The following STOX2 variants were observed in gnomAD, a reference collection of about 807,000 sequenced individuals.
The protein encoded by STOX2 is storkhead box 2, also known as storkhead-box protein 2.
Under a neutral mutation model 60.9 loss-of-function variants are expected in STOX2, and 28 were observed. The ratio of observed to expected loss-of-function variants is 0.46; its 90% CI spans 0.34 to 0.63. The LOEUF (loss-of-function observed/expected upper bound fraction) is 0.63, where lower values mean the gene tolerates loss of function less well. STOX2 is among the 30% of genes least tolerant of loss of function. STOX2 has a pLI of 0.01. For synonymous variants in STOX2, 472 were observed against 463.9 expected, an observed-to-expected ratio of 1.02 and a Z score of -0.22; for missense variants, 1,024 against 1,187.7, an observed-to-expected ratio of 0.86 and a Z score of 2.03.
chr4:183,985,562 C>T (rs1732807334), intron 1 of STOX2, among the ~76,000 whole-genome samples: 1 of 152,158 alleles, frequency 6.6e-6, no homozygotes, highest in African/African-American at 2.4e-5. Flanking sequence ...TAAGTACAGA[C>T]ATACTAGGCC....
intron 1 of STOX2, among the ~76,000 whole-genome samples, chr4:183,936,508 A>C (rs1419819936): frequency 6.8e-6 from 1 of 147,270 alleles, no homozygotes; most frequent in Non-Finnish European, 1.5e-5. Context: ...TTTTTTCTCT[A>C]TACCAAAGTT....
intron 1 of STOX2, chr4:183,798,598 A>G (rs1738688755): frequency 2.0e-6 from 2 of 984,794 alleles, no homozygotes; most frequent in Admixed American, 6.1e-5. Context: ...CGCATTTCTC[A>G]ACGAGGCAAG....
chr4:183,863,244 G>C (rs1740491002), intron 1 of STOX2, among the ~76,000 whole-genome samples: 1 of 152,198 alleles, frequency 6.6e-6, no homozygotes, highest in Non-Finnish European at 1.5e-5. Context: ...AAGCTCTGCA[G>C]TAAGGAAACC....
chr4:183,875,806 C>T lies in STOX2; in HGVS notation c.364+77751C>T, dbSNP rs144721794. ...GATGGTGGCCCACTGCAGCCTTGAC[C>T]GCCCAGGCTCAAGCGATCCTCCCAT... On this transcript the variant is annotated intron_variant, in intron 1 of 2. Transcript: ENST00000513034. Among the ~76,000 whole-genome samples the T allele has an allele frequency of 2.9e-3, 441 of 152,318 alleles. 3 individuals carry two copies. The highest frequency in any genetic ancestry group is 9.7e-3 in the African/African-American group (405 of 41,572).
chr4:183,872,742 A>T (rs1416894685), intron 1 of STOX2, among the ~76,000 whole-genome samples: 1 of 152,100 alleles, frequency 6.6e-6, no homozygotes, highest in Non-Finnish European at 1.5e-5. Flanking sequence ...ACCCACGTAA[A>T]TTGATGGCTC....
intron 1 of STOX2, among the ~76,000 whole-genome samples, chr4:183,961,167 C>A (rs1451703789): frequency 6.6e-6 from 1 of 152,030 alleles, no homozygotes; most frequent in Non-Finnish European, 1.5e-5. Context: ...GGACACATAC[C>A]ATAGTTGAGT....
At chr4:183,810,599 G>A (rs73006697) in intron 1 of STOX2, among the ~76,000 whole-genome samples, 273 of 152,332 alleles carry the variant, frequency 1.8e-3, no homozygotes, top group African/African-American at 5.9e-3. Flanking sequence ...GTGCAACAGC[G>A]TTGACAGGTG....
At chr4:183,890,477 C>T (rs1327781972) in intron 1 of STOX2, among the ~76,000 whole-genome samples, 4 of 102,068 alleles carry the variant, frequency 3.9e-5, no homozygotes, top group East Asian at 2.8e-4. Flanking sequence ...AGTGAGACTC[C>T]GTCTCAAAAA....
At chr4:183,972,843 CAA>C (rs149122302) in intron 1 of STOX2, among the ~76,000 whole-genome samples, 9,845 of 152,118 alleles carry the variant, frequency 0.065, 472 homozygotes, top group African/African-American at 0.13. Flanking sequence ...TTGGAATTAT[CAA>C]AGATTTAAAT....
chr4:183,835,135 T>G (rs1213842393), intron 1 of STOX2, among the ~76,000 whole-genome samples: 1 of 152,056 alleles, frequency 6.6e-6, no homozygotes, highest in Admixed American at 6.6e-5. Context: ...TTTTTTTTTT[T>G]TGAACTTCAG....
intron 2 of STOX2, among the ~76,000 whole-genome samples, chr4:184,003,301 T>G (rs1443577792): frequency 6.6e-6 from 1 of 152,196 alleles, no homozygotes; most frequent in Non-Finnish European, 1.5e-5. Context: ...AAATAAATAA[T>G]GGAAAGAACA....
At position 183,896,402 on chromosome 4, in the gene STOX2, G is replaced by T. The variant is rs1427388373; in HGVS notation, c.364+98347G>T. 3.3e-5 allele frequency among the ~76,000 whole-genome samples: 5 copies of T among 152,154 alleles called. No individual in the cohort carries two copies. The East Asian group carries it at 9.6e-4, about 29-fold the overall frequency. The stretch of plus-strand genomic sequence containing the variant: ...CTGTTGCTGAGATTGGAGCATAGTG[G>T]CACAATCATAGCTCACTGCAGCCTC... On this transcript the variant is annotated intron_variant, in intron 1 of 2. Transcript: ENST00000513034.
intron 1 of STOX2, among the ~76,000 whole-genome samples, chr4:183,850,495 G>A (rs913029025): frequency 3.3e-5 from 5 of 151,948 alleles, no homozygotes; most frequent in Non-Finnish European, 7.4e-5. Flanking sequence ...TTGGGAGGCC[G>A]AGGCAGGTGG....
rs986924267 is a variant in STOX2 at position 183,821,925 on chromosome 4, C to G, written c.364+23870C>G. Among the ~76,000 whole-genome samples, 4 of 152,264 alleles carry G rather than the reference C, an allele frequency of 2.6e-5. No individual in the cohort carries two copies. The highest frequency in any genetic ancestry group is 5.9e-5 in the Non-Finnish European group (4 of 68,052). ...TGGGGCTTTAGAAGTCTATGTCCCC[C>G]ACCCTGCCCTTCCCTAAAAAGGACG... On this transcript the variant is annotated intron_variant, in intron 1 of 2. Coordinates refer to the STOX2 transcript ENST00000513034. The surrounding 1 kb of genome is among the most constrained non-coding windows in gnomAD (Gnocchi z 4.2).
At chr4:184,007,359 G>A (rs1733918494) in intron 2 of STOX2, among the ~76,000 whole-genome samples, 1 of 152,120 alleles carries the variant, frequency 6.6e-6, no homozygotes, top group East Asian at 1.9e-4. Context: ...GCTGACCCAG[G>A]TGTTCTAGGT....
intron 1 of STOX2, among the ~76,000 whole-genome samples, chr4:183,971,811 C>G (rs907263824): frequency 6.6e-6 from 1 of 152,226 alleles, no homozygotes; most frequent in Non-Finnish European, 1.5e-5. Context: ...ATTTCAGACA[C>G]TAAAAAGTAG....
chr4:183,810,637 A>G (rs1034974948), intron 1 of STOX2, among the ~76,000 whole-genome samples: 9 of 152,188 alleles, frequency 5.9e-5, no homozygotes, highest in Non-Finnish European at 1.3e-4. Flanking sequence ...TTAGGCAATG[A>G]GTCCTTTGCC....
intron 1 of STOX2, among the ~76,000 whole-genome samples, chr4:183,925,366 A>T (rs1219101364): frequency 6.6e-6 from 1 of 152,076 alleles, no homozygotes; most frequent in African/African-American, 2.4e-5. Flanking sequence ...TTTTTTCGGT[A>T]GAGTTGGGGT....
intron 1 of STOX2, among the ~76,000 whole-genome samples, chr4:183,956,416 TGTCG>T (rs1743250337): frequency 6.8e-6 from 1 of 147,686 alleles, no homozygotes; most frequent in South Asian, 2.1e-4. Flanking sequence ...ATCACCTATC[TGTCG>T]ATCTATCATT....
Sources: gnomAD v4.1 joint callset for allele counts (sites outside exome capture counted in the v4.1 genomes callset) on GRCh38, gnomAD v4.1.1 for gene constraint, Gnocchi (gnomAD v3.1) non-coding constraint, MANE v1.5 for transcripts, NCBI Gene and HGNC (gene_info 2026-07-23, HGNC 2026-07-21) for gene names.